ACYP2: variants seen among roughly 807,000 people sequenced by gnomAD.
ACYP2 encodes acylphosphatase 2.
Under a neutral mutation model 11.2 loss-of-function variants are expected in ACYP2, and 12 were observed. That is an observed-to-expected ratio of 1.08 (90% confidence interval 0.69 to 1.74). The LOEUF (loss-of-function observed/expected upper bound fraction) is 1.74, where lower values mean the gene tolerates loss of function less well. Among genes scored for constraint, ACYP2 ranks in the 40% most tolerant of loss-of-function variants. ACYP2 has a pLI of 0.00. For synonymous variants in ACYP2, 43 were observed against 32.2 expected (o/e 1.33, Z -1.13); for missense variants, 134 against 101.9 (o/e 1.31, Z -1.35).
chr2:54,258,939 C>T (rs1458169411), intron 6 of ACYP2, among the ~76,000 whole-genome samples: 4 of 152,198 alleles, frequency 2.6e-5, no homozygotes, highest in Non-Finnish European at 4.4e-5. Context: ...AAAGAATGGA[C>T]AAGAGAGGCT....
At chr2:54,037,339 T>A (rs1254843213) in intron 2 of ACYP2, among the ~76,000 whole-genome samples, 1 of 152,162 alleles carries the variant, frequency 6.6e-6, no homozygotes, top group African/African-American at 2.4e-5. Context: ...GGTCTCAAAC[T>A]CCTGTTCTCA....
rs1462985945 is a variant in ACYP2 at position 54,057,193 on chromosome 2, T to C, written c.156-46T>C. ...CTATGCAACCTGCCCTTGGGGTTTCTTGGTGATGAACTTTTTCTTACTGTT... is the reference window on the plus strand; with the variant it reads ...CTATGCAACCTGCCCTTGGGGTTTCCTGGTGATGAACTTTTTCTTACTGTT... On this transcript the variant is annotated intron_variant, in intron 3 of 6. Transcript: ENST00000607452. The C allele has an allele frequency of 7.6e-6, 3 of 396,858 alleles. No individual in the cohort carries two copies. The East Asian group carries it at 1.1e-4, about 14-fold the overall frequency. The allele number at this position is 396,858 out of a possible 1,614,324, so 24.6% of individuals were successfully genotyped here.
intron 4 of ACYP2, among the ~76,000 whole-genome samples, chr2:54,091,951 G>T (rs1678258454): frequency 6.6e-6 from 1 of 152,104 alleles, no homozygotes; most frequent in South Asian, 2.1e-4. Context: ...GTAATAGTCC[G>T]TGTGAGAAAG....
intron 6 of ACYP2, among the ~76,000 whole-genome samples, chr2:54,250,423 G>A (rs1211012437): frequency 4.9e-5 from 7 of 143,840 alleles, no homozygotes; most frequent in South Asian, 2.5e-4. Flanking sequence ...GCAGTGAGCC[G>A]AGATTGTGCC....
At chr2:54,138,863 G>T in intron 6 of ACYP2, 115 bp downstream of exon 3, 1 of 779,412 alleles carries the variant, frequency 1.3e-6, no homozygotes, top group Non-Finnish European at 2.1e-6. Context: ...CACAATCTCG[G>T]CTCACTACAA....
At chr2:53,981,041 C>T (rs1377248879) in intron 2 of ACYP2, among the ~76,000 whole-genome samples, 1 of 152,122 alleles carries the variant, frequency 6.6e-6, no homozygotes, top group African/African-American at 2.4e-5. Flanking sequence ...TGTGAGCCAC[C>T]ACACCGGAAC....
At chr2:54,039,890 C>G (rs902131672) in intron 2 of ACYP2, among the ~76,000 whole-genome samples, 2 of 147,036 alleles carry the variant, frequency 1.4e-5, no homozygotes, top group Admixed American at 6.9e-5. Flanking sequence ...GGGTCTTGCT[C>G]TGTTGCCCAG....
intron 2 of ACYP2, among the ~76,000 whole-genome samples, chr2:54,050,286 G>A (rs1322484780): frequency 1.3e-5 from 2 of 152,064 alleles, no homozygotes; most frequent in Non-Finnish European, 2.9e-5. Flanking sequence ...TGTGGCTCTT[G>A]CCTGTAATCT....
intron 6 of ACYP2, among the ~76,000 whole-genome samples, chr2:54,207,590 C>A (rs1424216024): frequency 6.6e-6 from 1 of 152,172 alleles, no homozygotes; most frequent in Non-Finnish European, 1.5e-5. Flanking sequence ...AATGTAACAT[C>A]ACAGGCCTCT....
At chr2:54,087,587 G>A (rs535076314) in intron 4 of ACYP2, among the ~76,000 whole-genome samples, 1 of 152,306 alleles carries the variant, frequency 6.6e-6, no homozygotes, top group South Asian at 2.1e-4. Flanking sequence ...CTGGGCTCAA[G>A]CAATCTGTCT....
intron 4 of ACYP2, among the ~76,000 whole-genome samples, chr2:54,058,569 C>A (rs1413046797): frequency 6.6e-6 from 1 of 152,038 alleles, no homozygotes; most frequent in Non-Finnish European, 1.5e-5. Flanking sequence ...CATTGGTAAC[C>A]CAAGTATTGT....
chr2:53,977,445 T>C lies in ACYP2; in HGVS notation c.62+3635T>C, dbSNP rs150821177. Among the ~76,000 whole-genome samples, 25 of 152,186 alleles carry C rather than the reference T, an allele frequency of 1.6e-4. No homozygotes were observed. In the East Asian group the frequency reaches 4.1e-3, roughly 25 times the overall value. ...TTCAACTTCTATCCCTGGGTAGATA[T>C]TAAAACCCAAGTCACTGCCAGGCTC... On this transcript the variant is annotated intron_variant, in intron 2 of 6. Transcript: ENST00000607452.
intron 6 of ACYP2, among the ~76,000 whole-genome samples, chr2:54,272,912 T>C (rs900991770): frequency 6.6e-6 from 1 of 152,226 alleles, no homozygotes; most frequent in African/African-American, 2.4e-5. Flanking sequence ...ACATTTCAAA[T>C]GTGGAAGCTT....
intron 6 of ACYP2, among the ~76,000 whole-genome samples, chr2:54,141,640 A>C (rs183497347): frequency 2.0e-5 from 3 of 152,170 alleles, no homozygotes; most frequent in African/African-American, 7.2e-5. Context: ...TCAGTATACC[A>C]TATTGATTTA....
intron 5 of ACYP2, among the ~76,000 whole-genome samples, chr2:54,136,460 C>A (rs1317924815): frequency 6.6e-6 from 1 of 152,112 alleles, no homozygotes; most frequent in Admixed American, 6.5e-5. Flanking sequence ...CCAATATTTT[C>A]CCACTGGTAA....
intron 6 of ACYP2, among the ~76,000 whole-genome samples, chr2:54,266,009 A>G (rs1237904502): frequency 6.6e-6 from 1 of 152,228 alleles, no homozygotes; most frequent in Non-Finnish European, 1.5e-5. Flanking sequence ...CCATAAAAAA[A>G]CCTCAATATA....
intron 4 of ACYP2, among the ~76,000 whole-genome samples, chr2:54,076,626 T>G (rs1213330969): frequency 6.6e-6 from 1 of 152,220 alleles, no homozygotes; most frequent in African/African-American, 2.4e-5. Context: ...AGAAGATGAA[T>G]TTAATTTTTC....
intron 6 of ACYP2, among the ~76,000 whole-genome samples, chr2:54,302,240 T>G (rs1181101337): frequency 6.6e-6 from 1 of 152,220 alleles, no homozygotes; most frequent in African/African-American, 2.4e-5. Context: ...AATATGGTTT[T>G]CATGCCACCA....
At position 54,115,766 on chromosome 2, in the gene ACYP2, C is replaced by A. The variant is rs1230784955; in HGVS notation, c.278-19687C>A. On this transcript the variant is annotated intron_variant, in intron 4 of 6. Coordinates refer to ENST00000607452, the MANE Select transcript of ACYP2 (RefSeq NM_001320586.2). ...TTCGGAAGAGTGCAGGGTAGGAGGCCCCTCTACGGTGGGAGATCAAAAAGG... is the reference window on the plus strand; with the variant it reads ...TTCGGAAGAGTGCAGGGTAGGAGGCACCTCTACGGTGGGAGATCAAAAAGG... 4 of 1,596,150 alleles carry A rather than the reference C, an allele frequency of 2.5e-6. No homozygotes were observed. The highest frequency in any genetic ancestry group is 2.2e-5 in the South Asian group (2 of 89,508).
Sources: gnomAD v4.1 joint callset for allele counts (sites outside exome capture counted in the v4.1 genomes callset) on GRCh38, gnomAD v4.1.1 for gene constraint, MANE v1.5 for transcripts, NCBI Gene and HGNC (gene_info 2026-07-23, HGNC 2026-07-21) for gene names.